The following KCNJ16 variants were observed in gnomAD, a reference collection of about 807,000 sequenced individuals.
KCNJ16 encodes potassium inwardly rectifying channel subfamily J member 16, also known as inward rectifier potassium channel 16.
In KCNJ16, 15 loss-of-function variants were observed where a neutral mutation model predicts 18.5. The observed-to-expected ratio is 0.81, with a 90% CI of 0.54 to 1.25. The LOEUF is 1.25. Ranked by LOEUF, KCNJ16 falls within the 50% of genes most tolerant of loss-of-function variation. KCNJ16 has a pLI of 0.00. For synonymous variants in KCNJ16, 174 were observed against 186.5 expected, an observed-to-expected ratio of 0.93 and a Z score of 0.55; for missense variants, 523 against 525.7, an observed-to-expected ratio of 0.99 and a Z score of 0.05.
chr17:70,108,868 G>A (rs369024651), intron 2 of KCNJ16, among the ~76,000 whole-genome samples: 4 of 152,028 alleles, frequency 2.6e-5, no homozygotes, highest in Admixed American at 1.3e-4. Flanking sequence ...ATAATCAGTT[G>A]CCTAAATTTC....
rs2073408464 is a variant in KCNJ16 at position 70,116,434 on chromosome 17, A to T, written c.-190-14445A>T. Among the ~76,000 whole-genome samples, 3 of 152,324 alleles carry T rather than the reference A, an allele frequency of 2.0e-5. No homozygotes were observed. In the South Asian group the frequency reaches 6.2e-4, roughly 32 times the overall value. Reference sequence around the variant, plus strand: ...CATCCGTAATAATTTCTTTAGAAAAAAATTGCTGAGAACGGAATTGCTGCA... The same window carrying T: ...CATCCGTAATAATTTCTTTAGAAAATAATTGCTGAGAACGGAATTGCTGCA... On this transcript the variant is annotated intron_variant, in intron 2 of 3. Transcript: ENST00000392671.
chr17:70,109,757 C>T (rs1186530935), intron 2 of KCNJ16, among the ~76,000 whole-genome samples: 1 of 152,192 alleles, frequency 6.6e-6, no homozygotes, highest in African/African-American at 2.4e-5. Flanking sequence ...CTGGCCACTA[C>T]ATTGCCTTTG....
chr17:70,112,896 T>C (rs552614833), intron 2 of KCNJ16, among the ~76,000 whole-genome samples: 1 of 152,328 alleles, frequency 6.6e-6, no homozygotes, highest in African/African-American at 2.4e-5. Context: ...AACCTACTTG[T>C]TCAATGCAAG....
chr17:70,123,863 C>T (rs187532701), intron 2 of KCNJ16, among the ~76,000 whole-genome samples: 1 of 152,252 alleles, frequency 6.6e-6, no homozygotes, highest in East Asian at 1.9e-4. Flanking sequence ...AATGATTGCT[C>T]TGGATGAAAG....
intron 1 of KCNJ16, among the ~76,000 whole-genome samples, chr17:70,086,438 A>G (rs1438741043): frequency 6.6e-6 from 1 of 152,268 alleles, no homozygotes; most frequent in Non-Finnish European, 1.5e-5. Context: ...TAAAGGTAAA[A>G]TATGTTCAGT....
intron 1 of KCNJ16, among the ~76,000 whole-genome samples, chr17:70,096,032 A>G (rs12943454): frequency 0.85 from 128,396 of 151,264 alleles, 54,564 homozygotes; most frequent in East Asian, 0.96. Context: ...ACAGGCGCCC[A>G]CCACCATGTC....
intron 1 of KCNJ16, among the ~76,000 whole-genome samples, chr17:70,090,461 G>A (rs2072033478): frequency 1.3e-5 from 2 of 152,168 alleles, no homozygotes; most frequent in South Asian, 4.1e-4. Flanking sequence ...CCTGAATTAT[G>A]AGCCTCATTC....
At position 70,126,193 on chromosome 17, in the gene KCNJ16, T is replaced by C. The variant is rs373806414; in HGVS notation, c.-190-4686T>C. Among the ~76,000 whole-genome samples, 8 of 152,342 alleles carry C rather than the reference T, an allele frequency of 5.3e-5. No homozygotes were observed. In the East Asian group the frequency reaches 7.7e-4, roughly 15 times the overall value. ...ATTATTATCTTTAAAGTGAAACTGA[T>C]TCTTAGTTTAAGAATGCTTTTGTTC... is the stretch of plus-strand genomic sequence containing the variant. On this transcript the variant is annotated intron_variant, in intron 2 of 3. Transcript: ENST00000392671.
At chr17:70,102,710 C>T (rs1360588390) in intron 2 of KCNJ16, among the ~76,000 whole-genome samples, 1 of 152,096 alleles carries the variant, frequency 6.6e-6, no homozygotes, top group Non-Finnish European at 1.5e-5. Flanking sequence ...TTTTCTACCC[C>T]ATTTGACAGC....
intron 1 of KCNJ16, among the ~76,000 whole-genome samples, chr17:70,100,334 C>T (rs148552833): frequency 4.6e-5 from 7 of 152,292 alleles, no homozygotes; most frequent in African/African-American, 1.7e-4. Context: ...TACGGACTAT[C>T]AGAAGAATAG....
rs8065956 is a variant in KCNJ16, at chr17:70,120,706, G to A, written c.-190-10173G>A. 7.6e-3 allele frequency among the ~76,000 whole-genome samples: 1,155 copies of A among 152,196 alleles called. 15 individuals carry two copies. Among genetic ancestry groups the A allele is most frequent in the African/African-American group, 0.026 (1,072 of 41,530 alleles). On this transcript the variant is annotated intron_variant, in intron 2 of 3. Coordinates refer to ENST00000392671, the MANE Select transcript of KCNJ16 (RefSeq NM_170741.4). ...TGACCAGACCTTGCAAGAACTGGTC[G>A]TGGTCATGAAGACAGCACCAAGCCA...
At chr17:70,115,780 G>A (rs921639088) in intron 2 of KCNJ16, among the ~76,000 whole-genome samples, 10 of 152,076 alleles carry the variant, frequency 6.6e-5, no homozygotes, top group Non-Finnish European at 1.3e-4. Flanking sequence ...CCACCTCCTT[G>A]TTTTAAATGA....
chr17:70,126,891 G>A (rs1190483929), intron 2 of KCNJ16, among the ~76,000 whole-genome samples: 4 of 152,270 alleles, frequency 2.6e-5, no homozygotes, highest in Admixed American at 2.6e-4. Context: ...AGCATTTGGG[G>A]AGAGGTAGGA....
chr17:70,130,528 C>T (rs1029463111), intron 2 of KCNJ16, among the ~76,000 whole-genome samples: 1 of 152,086 alleles, frequency 6.6e-6, no homozygotes, highest in Non-Finnish European at 1.5e-5. Context: ...GTAAGTGGTG[C>T]ATTAAACAAA....
intron 2 of KCNJ16, among the ~76,000 whole-genome samples, chr17:70,107,601 T>A (rs1409909871): frequency 6.6e-6 from 1 of 151,990 alleles, no homozygotes; most frequent in East Asian, 1.9e-4. Context: ...AAGAAGTCAA[T>A]GCAATGAGCA....
At chr17:70,122,214 C>T (rs1372724983) in intron 2 of KCNJ16, among the ~76,000 whole-genome samples, 1 of 151,894 alleles carries the variant, frequency 6.6e-6, no homozygotes, top group African/African-American at 2.4e-5. Flanking sequence ...GCTGTGTTAC[C>T]CAGGCTGGAG....
At chr17:70,088,910 T>C (rs2071960572) in intron 1 of KCNJ16, among the ~76,000 whole-genome samples, 1 of 152,036 alleles carries the variant, frequency 6.6e-6, no homozygotes, top group Non-Finnish European at 1.5e-5. Context: ...AATATAAAAG[T>C]CCTCAGTTTA....
chr17:70,089,987 T>C (rs556873140), intron 1 of KCNJ16, among the ~76,000 whole-genome samples: 1 of 152,206 alleles, frequency 6.6e-6, no homozygotes, highest in African/African-American at 2.4e-5. Flanking sequence ...TCCACTTCCA[T>C]CCAGCCTCAA....
At chr17:70,089,669 G>A (rs561829748) in intron 1 of KCNJ16, among the ~76,000 whole-genome samples, 6 of 152,268 alleles carry the variant, frequency 3.9e-5, no homozygotes, top group Admixed American at 3.9e-4. Flanking sequence ...GGGAAGGAGG[G>A]AAAACATTTA....
Sources: allele counts gnomAD v4.1 joint callset (sites outside exome capture counted in the v4.1 genomes callset), GRCh38; gene constraint gnomAD v4.1.1; transcripts MANE v1.5; gene names NCBI Gene and HGNC (gene_info 2026-07-23, HGNC 2026-07-21).